NDUFV2: variants seen among roughly 807,000 people sequenced by gnomAD.
The protein encoded by NDUFV2 is NADH dehydrogenase [ubiquinone] flavoprotein 2, mitochondrial.
A neutral mutation model predicts 31.6 loss-of-function variants in NDUFV2; 18 were observed. The ratio of observed to expected loss-of-function variants is 0.57; its 90% CI spans 0.39 to 0.84. The LOEUF is 0.84. Ranked by LOEUF, NDUFV2 falls within the 40% of genes least tolerant of loss-of-function variation. The pLI, the probability that NDUFV2 is intolerant of heterozygous loss-of-function variation, is 0.00. For synonymous variants in NDUFV2, 83 were observed against 99.8 expected, an observed-to-expected ratio of 0.83 and a Z score of 1.01; for missense variants, 314 against 303.6, an observed-to-expected ratio of 1.03 and a Z score of -0.26.
chr18:9,110,415 G>C (rs2077863961), intron 1 of NDUFV2, among the ~76,000 whole-genome samples: 1 of 152,026 alleles, frequency 6.6e-6, no homozygotes, highest in South Asian at 2.1e-4. Flanking sequence ...ACTTGATAGG[G>C]ATGAATAACA....
intron 7 of NDUFV2, among the ~76,000 whole-genome samples, chr18:9,128,977 A>G (rs2078016335): frequency 6.6e-6 from 1 of 152,014 alleles, no homozygotes; most frequent in Non-Finnish European, 1.5e-5. Context: ...TTGCTCTGTC[A>G]CTTAGGCTAT....
chr18:9,109,268 G>T (rs967439437), intron 1 of NDUFV2, among the ~76,000 whole-genome samples: 1 of 152,206 alleles, frequency 6.6e-6, no homozygotes, highest in African/African-American at 2.4e-5. Flanking sequence ...CATCTAAAAG[G>T]TATATTCCTT....
rs778020274 is a variant in NDUFV2 at position 9,122,614 on chromosome 18, C to A, written c.402C>A (p.Val134=). 1 of 1,614,002 alleles carries A rather than the reference C, an allele frequency of 6.2e-7. No individual in the cohort carries two copies. Among genetic ancestry groups the A allele is most frequent in the East Asian group, 2.2e-5 (1 of 44,850 alleles). ...RKPVGKYHIQ[V]CTTTPCMLRN... ...CAGTTGGAAAGTATCACATTCAGGTCTGCACTACTACACCCTGCATGCTTC... is the reference window on the plus strand; with the variant it reads ...CAGTTGGAAAGTATCACATTCAGGTATGCACTACTACACCCTGCATGCTTC... Residue 134 remains valine, a synonymous_variant, in exon 5 of 8, where the codon GTC becomes GTA. Coordinates refer to ENST00000318388, the MANE Select transcript of NDUFV2 (RefSeq NM_021074.5).
chr18:9,110,872 G>A (rs1277344273), intron 1 of NDUFV2, among the ~76,000 whole-genome samples: 1 of 152,002 alleles, frequency 6.6e-6, no homozygotes, highest in African/African-American at 2.4e-5. Flanking sequence ...GGTCGACTTC[G>A]GACTTTGAAA....
chr18:9,105,066 A>G, intron 1 of NDUFV2: 1 of 1,355,488 alleles, frequency 7.4e-7, no homozygotes, highest in Non-Finnish European at 9.9e-7. Context: ...CTGTCATTTT[A>G]ATGCTACATA....
chr18:9,131,852 G>C (rs1225070196), intron 7 of NDUFV2, among the ~76,000 whole-genome samples: 1 of 152,014 alleles, frequency 6.6e-6, no homozygotes, highest in Non-Finnish European at 1.5e-5. Flanking sequence ...TGTTTAGTAA[G>C]TGAAAAACAC....
intron 7 of NDUFV2, among the ~76,000 whole-genome samples, chr18:9,129,787 A>G (rs1157670440): frequency 6.6e-6 from 1 of 152,222 alleles, no homozygotes; most frequent in Non-Finnish European, 1.5e-5. Context: ...AGAGGAGATA[A>G]GGGCCCAGAT....
At chr18:9,109,841 A>G (rs565640033) in intron 1 of NDUFV2, among the ~76,000 whole-genome samples, 2 of 152,260 alleles carry the variant, frequency 1.3e-5, no homozygotes, top group Non-Finnish European at 2.9e-5. Context: ...CTTGACTCCA[A>G]CGAAAAGGCA....
At chr18:9,130,124 G>C (rs1427617875) in intron 7 of NDUFV2, among the ~76,000 whole-genome samples, 1 of 152,158 alleles carries the variant, frequency 6.6e-6, no homozygotes, top group African/African-American at 2.4e-5. Flanking sequence ...GGAATATAGG[G>C]AATAGGTTAG....
intron 2 of NDUFV2, among the ~76,000 whole-genome samples, chr18:9,118,757 A>C (rs955382277): frequency 1.3e-5 from 2 of 150,872 alleles, no homozygotes; most frequent in Non-Finnish European, 2.9e-5. Flanking sequence ...CTCTTTTAAG[A>C]AGAGATAAAG....
chr18:9,126,539 T>C (rs1403475596), intron 6 of NDUFV2: 1 of 366,834 alleles, frequency 2.7e-6, no homozygotes, highest in Non-Finnish European at 5.2e-6. Flanking sequence ...GTGTGTACTA[T>C]ATATAGGAGT....
At chr18:9,110,918 T>C (rs1431187879) in intron 1 of NDUFV2, among the ~76,000 whole-genome samples, 1 of 152,208 alleles carries the variant, frequency 6.6e-6, no homozygotes, top group African/African-American at 2.4e-5. Context: ...TGTGTATACG[T>C]TCAGGTTTTT....
intron 7 of NDUFV2, among the ~76,000 whole-genome samples, chr18:9,130,860 A>G (rs1342605004): frequency 2.0e-5 from 3 of 152,244 alleles, no homozygotes; most frequent in Admixed American, 6.5e-5. Context: ...ACTGATGTCT[A>G]TATGTGGTTC....
chr18:9,133,663 TATAA>T, intron 7 of NDUFV2, among the ~76,000 whole-genome samples: 1 of 152,358 alleles, frequency 6.6e-6, no homozygotes, highest in Non-Finnish European at 1.5e-5. Flanking sequence ...AAATACAATG[TATAA>T]GTGTGTGTAT....
At chr18:9,113,629 A>G (rs2077882659) in intron 1 of NDUFV2, among the ~76,000 whole-genome samples, 1 of 152,234 alleles carries the variant, frequency 6.6e-6, no homozygotes, top group Non-Finnish European at 1.5e-5. Context: ...GAAATCCACA[A>G]GCAGATAGCC....
At chr18:9,108,759 T>C (rs2077854728) in intron 1 of NDUFV2, among the ~76,000 whole-genome samples, 1 of 151,246 alleles carries the variant, frequency 6.6e-6, no homozygotes, top group Non-Finnish European at 1.5e-5. Flanking sequence ...GGCGTGATTT[T>C]GGCTCACTGC....
At chr18:9,109,482 T>G (rs1383812724) in intron 1 of NDUFV2, among the ~76,000 whole-genome samples, 1 of 152,222 alleles carries the variant, frequency 6.6e-6, no homozygotes, top group East Asian at 1.9e-4. Context: ...GATGGTAGTA[T>G]TGTTTGAACA....
intron 4 of NDUFV2, 44 bp downstream of exon 4, chr18:9,119,634 G>T (rs2077920421): frequency 1.0e-5 from 15 of 1,458,678 alleles, no homozygotes; most frequent in Non-Finnish European, 1.4e-5. Flanking sequence ...AGAAGAGATT[G>T]TGTATGATAA....
chr18:9,132,103 A>T (rs2078045177), intron 7 of NDUFV2: 2 of 152,198 alleles, frequency 1.3e-5, no homozygotes, highest in Admixed American at 1.3e-4. Flanking sequence ...TTTTCTATAC[A>T]ATGCCATGGG....
Sources: allele counts gnomAD v4.1 joint callset (sites outside exome capture counted in the v4.1 genomes callset), GRCh38; gene constraint gnomAD v4.1.1; transcripts MANE v1.5; gene names NCBI Gene and HGNC (gene_info 2026-07-23, HGNC 2026-07-21).